XK: variants seen among roughly 807,000 people sequenced by gnomAD.
The protein encoded by XK is X-linked Kx blood group antigen, Kell and VPS13A binding protein.
XK carries 2 observed loss-of-function variants against 14.0 expected under a neutral mutation model. That is an observed-to-expected ratio of 0.14 (90% CI 0.06 to 0.45). The LOEUF is 0.45. XK is among the 20% of genes least tolerant of loss of function. XK has a pLI of 0.98. For synonymous variants in XK, 149 were observed against 147.5 expected, an observed-to-expected ratio of 1.01 and a Z score of -0.08; for missense variants, 235 against 341.5, an observed-to-expected ratio of 0.69 and a Z score of 2.46.
chrX:37,685,814 C>T lies in XK; in HGVS notation c.-148C>T. On this transcript the variant is annotated 5_prime_UTR_variant, in exon 1 of 3. Transcript: ENST00000378616. ...CCAGAGCCCAGGCCGGTCGGCCGGG[C>T]CCGCGTGCCCTCGGCGGGCTGCGCA... The T allele has an allele frequency of 2.1e-6, 1 of 477,343 alleles. No homozygotes were observed. Among genetic ancestry groups the T allele is most frequent in the Non-Finnish European group, 2.8e-6 (1 of 363,578 alleles). The allele number at this position is 477,343 out of a possible 1,213,427, so 39.3% of individuals were successfully genotyped here.
intron 1 of XK, among the ~76,000 whole-genome samples, chrX:37,691,144 A>G (rs1927194823): frequency 8.9e-6 from 1 of 112,414 alleles, no homozygotes; most frequent in Admixed American, 9.4e-5. Flanking sequence ...ATTTCCATCA[A>G]CTGATCATGG....
At chrX:37,713,652 G>A (rs1279090276) in intron 2 of XK, among the ~76,000 whole-genome samples, 3 of 109,237 alleles carry the variant, frequency 2.7e-5, no homozygotes, top group African/African-American at 1.0e-4. Flanking sequence ...GCCAAGATTG[G>A]GTCACATGTC....
At chrX:37,711,975 C>T (rs1326568413) in intron 2 of XK, among the ~76,000 whole-genome samples, 1 of 110,935 alleles carries the variant, frequency 9.0e-6, no homozygotes, top group Non-Finnish European at 1.9e-5. Context: ...TTAAAAAAAA[C>T]AATTGTAGTA....
At chrX:37,688,142 G>A (rs1176808170) in intron 1 of XK, among the ~76,000 whole-genome samples, 1 of 100,985 alleles carries the variant, frequency 9.9e-6, no homozygotes, top group Non-Finnish European at 2.0e-5. Flanking sequence ...CTCACTGCAA[G>A]CTCCGCTTCC....
chrX:37,685,970 C>A lies in XK; in HGVS notation c.9C>A (p.Phe3Leu). Residue 3 changes from phenylalanine to leucine, a missense_variant, in exon 1 of 3, where the codon TTC becomes TTA. Transcript: ENST00000378616. MK[F>L]PASVLASVFL... ...GCCGCTGACGCGCGGAGATGAAATTCCCGGCCTCGGTGCTGGCGTCCGTGT... is the reference window on the plus strand; with the variant it reads ...GCCGCTGACGCGCGGAGATGAAATTACCGGCCTCGGTGCTGGCGTCCGTGT... 1 of 1,206,371 alleles carries A rather than the reference C, an allele frequency of 8.3e-7. No homozygotes were observed. Among genetic ancestry groups the A allele is most frequent in the South Asian group, 1.8e-5 (1 of 56,065 alleles).
intron 2 of XK, among the ~76,000 whole-genome samples, chrX:37,713,649 T>C (rs1927711221): frequency 9.1e-6 from 1 of 109,725 alleles, no homozygotes; most frequent in African/African-American, 3.3e-5. Context: ...TTAGCCAAGA[T>C]TGGGTCACAT....
At chrX:37,695,030 A>T (rs1228558488) in intron 2 of XK, among the ~76,000 whole-genome samples, 1 of 112,159 alleles carries the variant, frequency 8.9e-6, no homozygotes, top group African/African-American at 3.2e-5. Flanking sequence ...GAGTTGTGGG[A>T]CATCACTTCT....
intron 2 of XK, among the ~76,000 whole-genome samples, chrX:37,725,763 G>A (rs1297505259): frequency 8.9e-6 from 1 of 112,001 alleles, no homozygotes; most frequent in African/African-American, 3.2e-5. Context: ...CTATTATTCA[G>A]CACTAAAAAG....
At position 37,687,673 on chromosome X, in the gene XK, AC is replaced by A. The variant is rs1748766823; in HGVS notation, c.245+1469del. Among the ~76,000 whole-genome samples, 3 of 110,265 alleles carry A rather than the reference AC, an allele frequency of 2.7e-5. No homozygotes were observed. In the South Asian group the frequency reaches 1.2e-3, roughly 43 times the overall value. On this transcript the variant is annotated intron_variant, in intron 1 of 2. Coordinates refer to ENST00000378616, the MANE Select transcript of XK (RefSeq NM_021083.4). ...CCACGCCTGGCCATAAAATTTTTGC[AC>A]CTCATATTAAAGAAAACTGTTCCAG... is the stretch of plus-strand genomic sequence containing the variant.
chrX:37,720,399 G>A (rs1241539602), intron 2 of XK, among the ~76,000 whole-genome samples: 1 of 110,720 alleles, frequency 9.0e-6, no homozygotes, highest in Non-Finnish European at 1.9e-5. Context: ...GAAATCTTTT[G>A]CTTTTTGATG....
chrX:37,706,425 G>T (rs1376255618), intron 2 of XK, among the ~76,000 whole-genome samples: 1 of 110,363 alleles, frequency 9.1e-6, no homozygotes, highest in Non-Finnish European at 1.9e-5. Context: ...CTACTTTTAG[G>T]ATAGGATTAC....
chrX:37,705,479 A>G (rs1927507035), intron 2 of XK, among the ~76,000 whole-genome samples: 1 of 109,801 alleles, frequency 9.1e-6, no homozygotes, highest in African/African-American at 3.3e-5. Context: ...CTTAAAAGAG[A>G]AAGTTGTGAC....
intron 1 of XK, among the ~76,000 whole-genome samples, chrX:37,690,618 T>A (rs1436444480): frequency 4.5e-5 from 5 of 112,125 alleles, no homozygotes; most frequent in Non-Finnish European, 9.4e-5. Context: ...AATACCCCCA[T>A]CACCTGTTTT....
chrX:37,709,657 C>T lies in XK; in HGVS notation c.508+15109C>T, dbSNP rs782645269. On this transcript the variant is annotated intron_variant, in intron 2 of 2. Transcript: ENST00000378616. Reference sequence around the variant, plus strand: ...TTTCTAGGATAATACATTTTTTAAACTAGCACATTTAAAAATCAATAGTAC... The same window carrying T: ...TTTCTAGGATAATACATTTTTTAAATTAGCACATTTAAAAATCAATAGTAC... 9.8e-5 allele frequency among the ~76,000 whole-genome samples: 11 copies of T among 112,088 alleles called. No individual in the cohort carries two copies. The East Asian group carries it at 2.8e-3, about 28-fold the overall frequency.
chrX:37,688,806 A>C (rs2146808525), intron 1 of XK, among the ~76,000 whole-genome samples: 1 of 112,128 alleles, frequency 8.9e-6, no homozygotes, highest in African/African-American at 3.2e-5. Context: ...AAACAGGATG[A>C]CAAGTATAAA....
chrX:37,710,092 G>C (rs1361434693), intron 2 of XK, among the ~76,000 whole-genome samples: 6 of 112,469 alleles, frequency 5.3e-5, no homozygotes, highest in Non-Finnish European at 1.1e-4. Context: ...ATAGGGACTA[G>C]ATTTCTGTAA....
At chrX:37,723,718 TACATGTGTGACTACTTACCTTAGA>T (rs1927922295) in intron 2 of XK, among the ~76,000 whole-genome samples, 2 of 111,318 alleles carry the variant, frequency 1.8e-5, no homozygotes, top group Non-Finnish European at 3.8e-5. Flanking sequence ...ATAAATACTG[TACATGTGTGACTACTTACCTTAGA>T]TTGTAATAAT....
chrX:37,714,352 T>C (rs782088027), intron 2 of XK, among the ~76,000 whole-genome samples: 124 of 110,888 alleles, frequency 1.1e-3, no homozygotes, highest in Non-Finnish European at 1.3e-3. Flanking sequence ...ACTTTTCCTT[T>C]TCCTGCAGAA....
intron 2 of XK, among the ~76,000 whole-genome samples, chrX:37,707,664 C>T (rs1182675398): frequency 1.8e-5 from 2 of 109,251 alleles, no homozygotes; most frequent in East Asian, 2.9e-4. Context: ...CGGGCAGAGA[C>T]GCTCCTCACT....
Sources: gnomAD v4.1 joint callset for allele counts (sites outside exome capture counted in the v4.1 genomes callset) on GRCh38, gnomAD v4.1.1 for gene constraint, MANE v1.5 for transcripts, NCBI Gene and HGNC (gene_info 2026-07-23, HGNC 2026-07-21) for gene names.